TSPAN1: variants seen among roughly 807,000 people sequenced by gnomAD.
The protein encoded by TSPAN1 is tetraspanin 1.
TSPAN1 carries 23 observed loss-of-function variants against 26.9 expected under a neutral mutation model. That is an observed-to-expected ratio of 0.85 (90% CI 0.62 to 1.21). The LOEUF is 1.21. Among genes scored for constraint, TSPAN1 ranks in the 50% most tolerant of loss-of-function variants. The pLI is 0.00. For missense variants in TSPAN1, 283 were observed against 298.4 expected, an observed-to-expected ratio of 0.95 and a Z score of 0.38; for synonymous variants, 115 against 114.8, an observed-to-expected ratio of 1.00 and a Z score of -0.01.
At chr1:46,182,304 C>CCAAAAAAAAAAAAAAAAAAAA (rs1657329897) in intron 3 of TSPAN1, among the ~76,000 whole-genome samples, 1 of 30,162 alleles carries the variant, frequency 3.3e-5, no homozygotes, top group Admixed American at 8.0e-4. Flanking sequence ...TAGGGATAAG[C>CCAAAAAAAAAAAAAAAAAAAA]AAAAAAAAAA....
the TSPAN1 span, chr1:46,192,166 T>C: frequency 8.1e-6 from 13 of 1,614,054 alleles, no homozygotes; most frequent in African/African-American, 1.3e-5. Flanking sequence ...TCAGGGATGA[T>C]GCACTCTCGG....
Position 46,184,375 on chromosome 1 carries a change from AG to A in TSPAN1, c.243del (p.Ser82AlafsTer6), listed in dbSNP as rs769915313. ...CTGGGCTGCTATGGTGCTAAGACTGAGAGCAAGTGTGCCCTCGTGACGGTGT... is the reference window on the plus strand; with the variant it reads ...CTGGGCTGCTATGGTGCTAAGACTGAAGCAAGTGTGCCCTCGTGACGGTGT... Reference protein sequence around the residue: ...GFLGCYGAKTESKCALVTFFF... With the variant: ...GFLGCYGAKTXSKCALVTFFF... On this transcript the variant is annotated frameshift_variant, in exon 4 of 9. Transcript: ENST00000372003. LOFTEE classifies it high-confidence loss of function. 1 of 1,614,114 alleles carries A rather than the reference AG, an allele frequency of 6.2e-7. No homozygotes were observed. The highest frequency in any genetic ancestry group is 8.5e-7 in the Non-Finnish European group (1 of 1,180,012).
At position 46,185,806 on chromosome 1, in the gene TSPAN1, C is replaced by T. The variant is rs1802309; in HGVS notation, c.*273C>T. The T allele has an allele frequency of 7.6e-5, 42 of 551,678 alleles. No individual in the cohort carries two copies. The South Asian group carries it at 8.7e-4, about 11-fold the overall frequency. The allele number at this position is 551,678 out of a possible 1,614,324, so 34.2% of individuals were successfully genotyped here. Reference sequence around the variant, plus strand: ...TGCCCATTCCCCCAGTCTATTAAACCCTTGATATGCCCCCTAGGCCTAGTG... The same window carrying T: ...TGCCCATTCCCCCAGTCTATTAAACTCTTGATATGCCCCCTAGGCCTAGTG... On this transcript the variant is annotated 3_prime_UTR_variant, in exon 9 of 9. Coordinates refer to ENST00000372003, the MANE Select transcript of TSPAN1 (RefSeq NM_005727.4).
At chr1:46,176,354 T>G (rs891688687) in intron 1 of TSPAN1, 53 of 1,535,634 alleles carry the variant, frequency 3.5e-5, no homozygotes, top group Non-Finnish European at 4.6e-5. Context: ...TGATATCTTC[T>G]GCGGCTACAC....
rs1435308528 is a variant in TSPAN1, at chr1:46,185,471, TTCC to T, written c.679-11_679-9del. ...TATCATGTTCCCTCATCTCTCCCTG[TTCC>T]TCCCTCTCCAGCTGGCTGCCATGAT... On this transcript the variant is annotated splice_polypyrimidine_tract_variant and intron_variant, in intron 8 of 8. Transcript: ENST00000372003. The T allele has an allele frequency of 1.2e-6, 2 of 1,614,136 alleles. No homozygotes were observed. The highest frequency in any genetic ancestry group is 2.2e-5 in the South Asian group (2 of 91,088).
the TSPAN1 span, chr1:46,194,637 C>T: frequency 1.9e-6 from 3 of 1,614,238 alleles, no homozygotes; most frequent in East Asian, 4.5e-5. Context: ...GAATGTTTCT[C>T]CCCGAAGACA....
chr1:46,193,523 A>AT, the TSPAN1 span: 1 of 1,613,950 alleles, frequency 6.2e-7, no homozygotes, highest in Non-Finnish European at 8.5e-7. Flanking sequence ...CTGCTGCTCC[A>AT]TGTTGTACTC....
At chr1:46,193,345 T>A in the TSPAN1 span, 175 of 1,613,444 alleles carry the variant, frequency 1.1e-4, no homozygotes, top group African/African-American at 4.0e-5. Context: ...GGGAGTATGC[T>A]GGATGCCCCT....
chr1:46,176,299 G>C (rs774915784), intron 1 of TSPAN1: 59 of 1,535,690 alleles, frequency 3.8e-5, no homozygotes, highest in Non-Finnish European at 5.1e-5. Flanking sequence ...CCTGGTGGCA[G>C]GATTGATGGC....
rs749387322 is a variant in TSPAN1 at position 46,184,403 on chromosome 1, TG to T, written c.264+7del. ...GCAAGTGTGCCCTCGTGACGGTGTGTGAAACCCAGCTCCACAGGCTGATGAC... is the reference window on the plus strand; with the variant it reads ...GCAAGTGTGCCCTCGTGACGGTGTGTAAACCCAGCTCCACAGGCTGATGAC... On this transcript the variant is annotated splice_region_variant and intron_variant, in intron 4 of 8. Coordinates refer to ENST00000372003, the MANE Select transcript of TSPAN1 (RefSeq NM_005727.4). The T allele has an allele frequency of 2.5e-6, 4 of 1,613,994 alleles. No individual in the cohort carries two copies. The South Asian group carries it at 4.4e-5, about 18-fold the overall frequency.
chr1:46,191,551 T>C, the TSPAN1 span: 1 of 203,082 alleles, frequency 4.9e-6, no homozygotes, highest in Non-Finnish European at 1.0e-5. Flanking sequence ...AGCTGACCCT[T>C]ATATATGTTT....
At chr1:46,195,568 T>C in the TSPAN1 span, 1 of 564,192 alleles carries the variant, frequency 1.8e-6, no homozygotes, top group Non-Finnish European at 3.3e-6. Flanking sequence ...ATAAGCTCCA[T>C]GAGGGTGGGG....
At chr1:46,177,410 A>T (rs1657206294) in intron 1 of TSPAN1, among the ~76,000 whole-genome samples, 1 of 151,960 alleles carries the variant, frequency 6.6e-6, no homozygotes, top group Admixed American at 6.6e-5. Flanking sequence ...AGTCATTGAC[A>T]TTGAACTCAC....
the TSPAN1 span, chr1:46,193,887 G>A: frequency 6.2e-7 from 1 of 1,614,198 alleles, no homozygotes; most frequent in Non-Finnish European, 8.5e-7. Flanking sequence ...TCCCTGCAAT[G>A]ACAGCCACAG....
downstream of TSPAN1, chr1:46,190,572 G>A: frequency 3.9e-6 from 6 of 1,542,832 alleles, no homozygotes; most frequent in South Asian, 1.1e-5. Flanking sequence ...AGGTCCCATG[G>A]GTAGCACTGA....
chr1:46,184,786 CT>C lies in TSPAN1; in HGVS notation c.342del (p.Glu115SerfsTer4). 1 of 1,614,242 alleles carries C rather than the reference CT, an allele frequency of 6.2e-7. No homozygotes were observed. Among genetic ancestry groups the C allele is most frequent in the Non-Finnish European group, 8.5e-7 (1 of 1,180,044 alleles). On this transcript the variant is annotated frameshift_variant and splice_region_variant, in exon 6 of 9. Transcript: ENST00000372003. LOFTEE classifies it high-confidence loss of function. ...TAAACACTGGCCTGCCTCACCCAGGCTGAGCACTTCCTGACGTTGCTGGTAG... is the reference window on the plus strand; with the variant it reads ...TAAACACTGGCCTGCCTCACCCAGGCGAGCACTTCCTGACGTTGCTGGTAG... ...AVVALVYTTM[A>X]EHFLTLLVVP...
chr1:46,195,779 G>GT, the TSPAN1 span: 1 of 1,548,998 alleles, frequency 6.5e-7, no homozygotes, highest in Non-Finnish European at 8.8e-7. Flanking sequence ...GAGCTAGGGA[G>GT]TAGGGGTCAG....
chr1:46,178,225 T>C (rs1657229085), intron 1 of TSPAN1, among the ~76,000 whole-genome samples: 1 of 151,838 alleles, frequency 6.6e-6, no homozygotes, highest in African/African-American at 2.4e-5. Context: ...GGTGTGGTGG[T>C]GTGCACCTAT....
the TSPAN1 span, chr1:46,191,601 C>T: frequency 4.3e-6 from 1 of 231,854 alleles, no homozygotes; most frequent in South Asian, 6.3e-5. Flanking sequence ...TCATTTAAAC[C>T]TCAAAATATC....
Sources: allele counts gnomAD v4.1 joint callset (sites outside exome capture counted in the v4.1 genomes callset), GRCh38; gene constraint gnomAD v4.1.1; transcripts MANE v1.5; gene names NCBI Gene and HGNC (gene_info 2026-07-23, HGNC 2026-07-21).